Variants in DSE observed in about 807,000 individuals in gnomAD.
DSE encodes the protein dermatan sulfate epimerase.
A neutral mutation model predicts 84.4 loss-of-function variants in DSE; 36 were observed. That is an observed-to-expected ratio of 0.43 (90% confidence interval 0.33 to 0.56). DSE has a LOEUF of 0.56. Ranked by LOEUF, DSE falls within the 20% of genes least tolerant of loss-of-function variation. DSE has a pLI of 0.06. For missense variants in DSE, 862 were observed against 1,169.6 expected, an observed-to-expected ratio of 0.74 and a Z score of 3.84; for synonymous variants, 410 against 430.1, an observed-to-expected ratio of 0.95 and a Z score of 0.58.
intron 2 of DSE, among the ~76,000 whole-genome samples, chr6:116,331,188 T>A (rs376886280): frequency 1.1e-4 from 17 of 152,106 alleles, no homozygotes; most frequent in Non-Finnish European, 2.2e-4. Context: ...CTGAAAACTT[T>A]CTTTCTGTGA....
intron 2 of DSE, among the ~76,000 whole-genome samples, chr6:116,285,294 G>A (rs62423799): frequency 0.29 from 44,750 of 152,118 alleles, 7,224 homozygotes; most frequent in East Asian, 0.65. Context: ...TTTTTCATGT[G>A]TCTGTAGGCT....
chr6:116,387,560 G>A (rs753516900), intron 1 of DSE, among the ~76,000 whole-genome samples: 6 of 152,124 alleles, frequency 3.9e-5, no homozygotes, highest in African/African-American at 1.2e-4. Context: ...GACACTGCAG[G>A]CAGCTTGCAG....
chr6:116,431,325 A>C, intron 4 of DSE, 132 bp downstream of exon 4: 1 of 1,283,926 alleles, frequency 7.8e-7, no homozygotes, highest in South Asian at 1.6e-5. Flanking sequence ...GATTTTTTTA[A>C]TCAAAGAAAA....
intron 1 of DSE, among the ~76,000 whole-genome samples, chr6:116,387,638 TAAAC>T (rs1780651928): frequency 6.6e-6 from 1 of 152,164 alleles, no homozygotes; most frequent in Non-Finnish European, 1.5e-5. Flanking sequence ...AAGTCAAAAA[TAAAC>T]CTGACCACTC....
chr6:116,316,955 T>A (rs538839882), intron 2 of DSE, among the ~76,000 whole-genome samples: 3 of 152,234 alleles, frequency 2.0e-5, no homozygotes, highest in Admixed American at 6.5e-5. Flanking sequence ...AAGAAGCAGA[T>A]GCTGATTCAG....
chr6:116,309,979 G>A (rs1775585513), intron 2 of DSE, among the ~76,000 whole-genome samples: 1 of 152,058 alleles, frequency 6.6e-6, no homozygotes, highest in Non-Finnish European at 1.5e-5. Flanking sequence ...TTAAACCATA[G>A]CAGTCATGCA....
At chr6:116,350,763 C>A (rs1364556977) in intron 2 of DSE, among the ~76,000 whole-genome samples, 2 of 152,112 alleles carry the variant, frequency 1.3e-5, no homozygotes, top group Non-Finnish European at 2.9e-5. Context: ...ATGTTCCATG[C>A]AAGTATATTC....
chr6:116,322,631 C>A (rs754187371), intron 2 of DSE, among the ~76,000 whole-genome samples: 5 of 150,466 alleles, frequency 3.3e-5, no homozygotes, highest in African/African-American at 7.3e-5. Flanking sequence ...TGATTGCCTT[C>A]TTCCTAAAAT....
At chr6:116,354,044 G>A (rs918347630) in intron 2 of DSE, among the ~76,000 whole-genome samples, 2 of 152,018 alleles carry the variant, frequency 1.3e-5, no homozygotes, top group African/African-American at 4.8e-5. Context: ...GACTTCAGAT[G>A]GCTTCCAAAT....
At chr6:116,370,489 C>G, upstream of DSE, 1 of 986,502 alleles carries the variant, frequency 1.0e-6, no homozygotes, top group Non-Finnish European at 1.2e-6. Flanking sequence ...GAGTGGGCAC[C>G]AGTCCCGGTA....
In DSE at chr6:116,443,835, C is replaced by G. The variant is rs1011859833; in HGVS notation, c.*6490C>G. The G allele has an allele frequency of 6.6e-6, 1 of 152,148 alleles. No homozygotes were observed. Among genetic ancestry groups the G allele is most frequent in the Non-Finnish European group, 1.5e-5 (1 of 68,024 alleles). 9.4% of individuals were successfully genotyped at this position (152,148 alleles called of 1,614,324 possible). ...TGAACAAAAAAACGTTTTCAATGGT[C>G]TAGGCACTTCCTTTTTCTTCCAAAG... is the stretch of plus-strand genomic sequence containing the variant. On this transcript the variant is annotated 3_prime_UTR_variant, in exon 6 of 6. Transcript: ENST00000644252.
intron 2 of DSE, among the ~76,000 whole-genome samples, chr6:116,333,307 A>T (rs1031751828): frequency 6.6e-6 from 1 of 152,090 alleles, no homozygotes; most frequent in Non-Finnish European, 1.5e-5. Context: ...AGGTTGAGGG[A>T]CCATATTTGG....
chr6:116,357,798 G>A (rs917997781), intron 2 of DSE, among the ~76,000 whole-genome samples: 1 of 152,128 alleles, frequency 6.6e-6, no homozygotes, highest in Non-Finnish European at 1.5e-5. Context: ...GTCCCAAAAT[G>A]TATTAAAATC....
At chr6:116,391,678 T>A (rs1199641871) in intron 1 of DSE, among the ~76,000 whole-genome samples, 1 of 149,032 alleles carries the variant, frequency 6.7e-6, no homozygotes. Context: ...GGCAGGAGAA[T>A]GGCATGAACC....
chr6:116,402,807 A>G (rs772045573), intron 2 of DSE, among the ~76,000 whole-genome samples: 1 of 152,218 alleles, frequency 6.6e-6, no homozygotes, highest in Non-Finnish European at 1.5e-5. Flanking sequence ...GTTAACACCA[A>G]TGAAGAAGGT....
chr6:116,268,821 A>C (rs1477798595), intron 2 of DSE, among the ~76,000 whole-genome samples: 1 of 152,220 alleles, frequency 6.6e-6, no homozygotes, highest in Non-Finnish European at 1.5e-5. Context: ...GTTCAAGTTT[A>C]AGCTGATATA....
At position 116,437,406 on chromosome 6, in the gene DSE, A is replaced by T; in HGVS notation, c.*61A>T. 6.6e-6 allele frequency: 9 copies of T among 1,370,378 alleles called. No individual in the cohort carries two copies. Among genetic ancestry groups the T allele is most frequent in the Non-Finnish European group, 8.7e-6 (9 of 1,039,580 alleles). 84.9% of individuals were successfully genotyped at this position (1,370,378 alleles called of 1,614,324 possible). A position where few individuals can be genotyped will look rare whatever the true frequency, so the allele number is the denominator to read the frequency against. On this transcript the variant is annotated 3_prime_UTR_variant, in exon 6 of 6. Transcript: ENST00000644252. ...CACAAGAGTCTATGCAAAAAAAAAA[A>T]TTTCTTTACCCCAGATTATCAGATT...
chr6:116,316,457 A>G (rs1775981096), intron 2 of DSE, among the ~76,000 whole-genome samples: 1 of 152,102 alleles, frequency 6.6e-6, no homozygotes, highest in Non-Finnish European at 1.5e-5. Flanking sequence ...TCAAGACTAT[A>G]CTTCCCTTTC....
chr6:116,281,237 T>C (rs890200156), intron 2 of DSE, among the ~76,000 whole-genome samples: 4 of 152,092 alleles, frequency 2.6e-5, no homozygotes, highest in African/African-American at 7.2e-5. Context: ...GCCAGGATCG[T>C]AGGAATAAAG....
Sources: gnomAD v4.1 joint callset for allele counts (sites outside exome capture counted in the v4.1 genomes callset) on GRCh38, gnomAD v4.1.1 for gene constraint, MANE v1.5 for transcripts, NCBI Gene and HGNC (gene_info 2026-07-23, HGNC 2026-07-21) for gene names.